The following NSUN6 variants were observed in gnomAD, a reference collection of about 807,000 sequenced individuals.
NSUN6 encodes the protein tRNA (cytosine(72)-C(5))-methyltransferase NSUN6.
In NSUN6, 64 loss-of-function variants were observed where a neutral mutation model predicts 58.0. The observed-to-expected ratio is 1.10, with a 90% confidence interval of 0.90 to 1.36. The LOEUF (loss-of-function observed/expected upper bound fraction) is 1.36. Ranked by LOEUF, NSUN6 falls within the 40% of genes most tolerant of loss-of-function variation. NSUN6 has a pLI of 0.00. For synonymous variants in NSUN6, 231 were observed against 193.9 expected, an observed-to-expected ratio of 1.19 and a Z score of -1.59; for missense variants, 701 against 550.1, an observed-to-expected ratio of 1.27 and a Z score of -2.74.
At chr10:18,654,094 C>A (rs993635609), upstream of NSUN6, among the ~76,000 whole-genome samples, 1 of 152,200 alleles carries the variant, frequency 6.6e-6, no homozygotes, top group Admixed American at 6.5e-5. Context: ...GTTGATAAAA[C>A]ACTGATTTAG....
intron 3 of NSUN6, among the ~76,000 whole-genome samples, chr10:18,637,525 C>G (rs753702033): frequency 1.3e-4 from 20 of 152,222 alleles, no homozygotes; most frequent in Non-Finnish European, 2.1e-4. Context: ...CAAAATCTCT[C>G]ATATACTGCT....
chr10:18,550,525 G>A (rs1320008211), intron 9 of NSUN6, among the ~76,000 whole-genome samples: 1 of 152,100 alleles, frequency 6.6e-6, no homozygotes, highest in Non-Finnish European at 1.5e-5. Context: ...TATACACGCT[G>A]AAATCCACTG....
upstream of NSUN6, among the ~76,000 whole-genome samples, chr10:18,658,965 G>A (rs1367811416): frequency 6.6e-6 from 1 of 152,216 alleles, no homozygotes; most frequent in African/African-American, 2.4e-5. Flanking sequence ...CTGCCTAGGG[G>A]AACAGGAATA....
In NSUN6 at chr10:18,545,787, A is replaced by C; in HGVS notation, c.*146T>G. On this transcript the variant is annotated 3_prime_UTR_variant, in exon 11 of 11. Transcript: ENST00000377304. Reference sequence around the variant, plus strand: ...CCCCCTACTTCCTCTATGTCTCTGGATCCCTGGTAAAACAGCTGGCAGCCT... The same window carrying C: ...CCCCCTACTTCCTCTATGTCTCTGGCTCCCTGGTAAAACAGCTGGCAGCCT... 1.6e-6 allele frequency: 1 copy of C among 636,934 alleles called. No homozygotes were observed. Among genetic ancestry groups the C allele is most frequent in the Non-Finnish European group, 2.7e-6 (1 of 366,506 alleles). 39.5% of individuals were successfully genotyped at this position (636,934 alleles called of 1,614,324 possible).
chr10:18,596,377 A>G (rs777869995), intron 6 of NSUN6, 50 bp from the exon 7 acceptor site: 3 of 1,318,802 alleles, frequency 2.3e-6, no homozygotes, highest in East Asian at 4.6e-5. Context: ...AAGCATTTTT[A>G]ATTTGAGAAC....
chr10:18,616,951 T>C (rs923550239), intron 3 of NSUN6, among the ~76,000 whole-genome samples: 7 of 152,116 alleles, frequency 4.6e-5, no homozygotes, highest in African/African-American at 1.7e-4. Flanking sequence ...CTGTCTTCAA[T>C]TCCATGATCG....
At position 18,642,530 on chromosome 10, in the gene NSUN6, A is replaced by T. The variant is rs2059419574; in HGVS notation, c.257T>A (p.Ile86Asn). The change falls in exon 3 of 11, where the codon ATT becomes AAT. Residue 86 changes from isoleucine to asparagine, a missense_variant. By Grantham distance (149) the Ile-to-Asn change is moderately radical. Coordinates refer to ENST00000377304, the MANE Select transcript of NSUN6 (RefSeq NM_182543.5). ...ATCTTGAAGGTCTGGATGTTGAAGA[A>T]TAGGAACACTTAATCCATTAAACTG... ...QKQFNGLSVP[I>N]LQHPDLQDVL... The T allele has an allele frequency of 6.5e-7, 1 of 1,542,400 alleles. No homozygotes were observed. Among genetic ancestry groups the T allele is most frequent in the Admixed American group, 1.7e-5 (1 of 59,650 alleles).
At chr10:18,561,829 T>G (rs1203541375) in intron 8 of NSUN6, among the ~76,000 whole-genome samples, 1 of 148,756 alleles carries the variant, frequency 6.7e-6, no homozygotes, top group Non-Finnish European at 1.5e-5. Flanking sequence ...TAGAATGGAA[T>G]GGAGAATGTA....
chr10:18,558,239 A>C (rs1468003349), intron 8 of NSUN6, among the ~76,000 whole-genome samples: 4 of 150,868 alleles, frequency 2.7e-5, no homozygotes, highest in Non-Finnish European at 5.9e-5. Flanking sequence ...AATGGGGAGT[A>C]GTATGGAGTG....
intron 3 of NSUN6, among the ~76,000 whole-genome samples, chr10:18,632,672 C>T (rs542937854): frequency 2.0e-5 from 3 of 152,290 alleles, no homozygotes; most frequent in East Asian, 3.9e-4. Context: ...CCATCACTGG[C>T]CATCAGAGAA....
intron 8 of NSUN6, among the ~76,000 whole-genome samples, chr10:18,559,536 A>C (rs957045939): frequency 6.7e-6 from 1 of 150,226 alleles, no homozygotes; most frequent in Non-Finnish European, 1.5e-5. Context: ...AACAGAATGG[A>C]GAGTGGAGAA....
chr10:18,596,476 A>T (rs1475256795), intron 6 of NSUN6, 149 bp from the exon 7 acceptor site: 2 of 566,278 alleles, frequency 3.5e-6, no homozygotes, highest in Non-Finnish European at 6.3e-6. Flanking sequence ...TACTCAGGTT[A>T]GGAAATTCAC....
At chr10:18,561,092 G>C (rs1026262944) in intron 8 of NSUN6, among the ~76,000 whole-genome samples, 1 of 146,766 alleles carries the variant, frequency 6.8e-6, no homozygotes, top group Non-Finnish European at 1.5e-5. Context: ...ATGGAGAATG[G>C]AATGGAATGG....
At chr10:18,617,035 A>G (rs1482482212) in intron 3 of NSUN6, among the ~76,000 whole-genome samples, 3 of 152,036 alleles carry the variant, frequency 2.0e-5, no homozygotes, top group African/African-American at 7.2e-5. Flanking sequence ...CTCATTGCTC[A>G]TTCTCTGCCT....
At chr10:18,657,507 G>A (rs2059790233), upstream of NSUN6, among the ~76,000 whole-genome samples, 1 of 152,072 alleles carries the variant, frequency 6.6e-6, no homozygotes, top group Admixed American at 6.5e-5. Flanking sequence ...ATTCCACTTA[G>A]TTAAAAGTAG....
At chr10:18,580,182 T>C (rs1047609016) in intron 8 of NSUN6, among the ~76,000 whole-genome samples, 2 of 152,142 alleles carry the variant, frequency 1.3e-5, no homozygotes, top group Admixed American at 1.3e-4. Context: ...CTCTGGAAAA[T>C]GTCCTAAGAC....
chr10:18,592,493 A>G (rs1373591044), intron 7 of NSUN6, among the ~76,000 whole-genome samples: 1 of 152,206 alleles, frequency 6.6e-6, no homozygotes, highest in Admixed American at 6.5e-5. Context: ...ACAGTAGCCA[A>G]AACAGCAATG....
chr10:18,561,730 AATATG>A, intron 8 of NSUN6, among the ~76,000 whole-genome samples: 24 of 151,008 alleles, frequency 1.6e-4, no homozygotes, highest in African/African-American at 5.1e-4. Flanking sequence ...AAAGGAATAG[AATATG>A]GAATAGAATG....
upstream of NSUN6, chr10:18,655,115 C>T: frequency 1.0e-6 from 1 of 981,266 alleles, no homozygotes; most frequent in South Asian, 4.7e-5. Flanking sequence ...GAAAATCCAG[C>T]AGTCCAACTG....
Sources: gnomAD v4.1 joint callset for allele counts (sites outside exome capture counted in the v4.1 genomes callset) on GRCh38, gnomAD v4.1.1 for gene constraint, MANE v1.5 for transcripts, NCBI Gene and HGNC (gene_info 2026-07-23, HGNC 2026-07-21) for gene names.